The following EPHA7 variants were observed in gnomAD, a reference collection of about 807,000 sequenced individuals.
EPHA7 encodes the protein ephrin type-A receptor 7.
EPHA7 carries 25 observed loss-of-function variants against 112.6 expected under a neutral mutation model. That is an observed-to-expected ratio of 0.22 (90% CI 0.16 to 0.31). The LOEUF (loss-of-function observed/expected upper bound fraction) is 0.31, where lower values mean the gene tolerates loss of function less well. EPHA7 is among the 10% of genes least tolerant of loss of function. The pLI is 1.00. For missense variants in EPHA7, 962 were observed against 1,212.6 expected (o/e 0.79, Z 3.07); for synonymous variants, 437 against 406.5 (o/e 1.07, Z -0.90).
At chr6:93,321,687 A>T (rs1774082438) in intron 5 of EPHA7, among the ~76,000 whole-genome samples, 1 of 151,914 alleles carries the variant, frequency 6.6e-6, no homozygotes, top group Non-Finnish European at 1.5e-5. Context: ...CAGGGAAGTG[A>T]TTACTCCTTA....
intron 5 of EPHA7, among the ~76,000 whole-genome samples, chr6:93,312,925 T>C (rs1384563940): frequency 2.0e-5 from 3 of 152,120 alleles, no homozygotes; most frequent in Non-Finnish European, 2.9e-5. Context: ...GGTGGAGCAG[T>C]TGGAACACAC....
intron 7 of EPHA7, among the ~76,000 whole-genome samples, chr6:93,267,456 T>C (rs1771000791): frequency 6.6e-6 from 1 of 151,754 alleles, no homozygotes; most frequent in African/African-American, 2.4e-5. Context: ...TACTGATTGA[T>C]ATTAATAATT....
At chr6:93,386,306 G>C (rs772901431) in intron 3 of EPHA7, among the ~76,000 whole-genome samples, 9 of 152,134 alleles carry the variant, frequency 5.9e-5, no homozygotes, top group African/African-American at 1.2e-4. Context: ...ACAGGCATTG[G>C]GTTAATAAAC....
chr6:93,353,560 A>G (rs1775799155), intron 5 of EPHA7, among the ~76,000 whole-genome samples: 1 of 152,142 alleles, frequency 6.6e-6, no homozygotes, highest in Non-Finnish European at 1.5e-5. Flanking sequence ...AGATAAAGAA[A>G]TTGGTCCATT....
intron 5 of EPHA7, among the ~76,000 whole-genome samples, chr6:93,317,004 C>T (rs908433879): frequency 4.6e-5 from 7 of 152,106 alleles, no homozygotes; most frequent in African/African-American, 1.4e-4. Context: ...CTACCTGCTG[C>T]GCTTATGAGG....
At chr6:93,360,535 T>C (rs992887202) in intron 3 of EPHA7, among the ~76,000 whole-genome samples, 2 of 152,118 alleles carry the variant, frequency 1.3e-5, no homozygotes, top group African/African-American at 4.8e-5. Context: ...GCAACACGAT[T>C]TAACATTTCC....
intron 5 of EPHA7, among the ~76,000 whole-genome samples, chr6:93,288,651 G>C (rs1341467490): frequency 1.3e-5 from 2 of 152,160 alleles, no homozygotes; most frequent in African/African-American, 4.8e-5. Flanking sequence ...TGAGCCCCAT[G>C]TATTTTTCCA....
At chr6:93,374,661 T>C (rs1776963788) in intron 3 of EPHA7, among the ~76,000 whole-genome samples, 1 of 152,202 alleles carries the variant, frequency 6.6e-6, no homozygotes, top group African/African-American at 2.4e-5. Flanking sequence ...TGGAGACTAG[T>C]CGCTCAGACT....
In EPHA7 at chr6:93,336,563, T is replaced by C. The variant is rs558494466; in HGVS notation, c.1324+20154A>G. Among the ~76,000 whole-genome samples, 594 of 152,122 alleles carry C rather than the reference T, an allele frequency of 3.9e-3. 4 individuals are homozygous for C. In the Middle Eastern group the frequency reaches 0.048, roughly 12 times the overall value. ...GACTACAGGCACGTGCCACCACGCC[T>C]AGCTATTTTTTTTATTTTTAGTAGA... On this transcript the variant is annotated intron_variant, in intron 5 of 16. Coordinates refer to ENST00000369303, the MANE Select transcript of EPHA7 (RefSeq NM_004440.4).
At chr6:93,408,513 T>C (rs1043611963) in intron 3 of EPHA7, among the ~76,000 whole-genome samples, 1 of 152,046 alleles carries the variant, frequency 6.6e-6, no homozygotes, top group African/African-American at 2.4e-5. Context: ...CAATTAGAAA[T>C]ACTGCCAGTG....
intron 3 of EPHA7, among the ~76,000 whole-genome samples, chr6:93,364,098 T>C (rs1400868024): frequency 1.3e-5 from 2 of 152,152 alleles, no homozygotes; most frequent in Admixed American, 1.3e-4. Context: ...TTTGGGGTAA[T>C]TACAATGTTC....
At chr6:93,247,866 C>T (rs181913461) in intron 14 of EPHA7, among the ~76,000 whole-genome samples, 2 of 152,148 alleles carry the variant, frequency 1.3e-5, no homozygotes, top group East Asian at 3.9e-4. Flanking sequence ...CCCCTATAAA[C>T]ATTTGTATGT....
intron 5 of EPHA7, among the ~76,000 whole-genome samples, chr6:93,341,270 CA>C (rs1775122238): frequency 6.6e-6 from 1 of 151,852 alleles, no homozygotes; most frequent in Non-Finnish European, 1.5e-5. Context: ...CAAAATATTA[CA>C]TATACAGTAA....
intron 5 of EPHA7, among the ~76,000 whole-genome samples, chr6:93,334,855 A>G (rs939496558): frequency 2.6e-5 from 4 of 152,116 alleles, no homozygotes; most frequent in African/African-American, 9.7e-5. Flanking sequence ...AAACTAGTAA[A>G]GATTGCGATG....
At chr6:93,330,964 C>T (rs1774564015) in intron 5 of EPHA7, among the ~76,000 whole-genome samples, 1 of 151,364 alleles carries the variant, frequency 6.6e-6, no homozygotes, top group African/African-American at 2.4e-5. Context: ...AGAACATGCA[C>T]ACCTACCCAC....
intron 3 of EPHA7, among the ~76,000 whole-genome samples, chr6:93,396,278 G>GA (rs1182317535): frequency 6.6e-6 from 1 of 151,780 alleles, no homozygotes; most frequent in Non-Finnish European, 1.5e-5. Flanking sequence ...TCAGTAGGTA[G>GA]AAAAAATGTA....
At chr6:93,397,023 T>C (rs1439117648) in intron 3 of EPHA7, among the ~76,000 whole-genome samples, 2 of 151,776 alleles carry the variant, frequency 1.3e-5, no homozygotes, top group African/African-American at 4.8e-5. Flanking sequence ...TTCATTAAAA[T>C]TGAGAACATT....
Position 93,295,124 on chromosome 6 carries a change from G to A in EPHA7, c.1325-22702C>T, listed in dbSNP as rs911885450. On this transcript the variant is annotated intron_variant, in intron 5 of 16. Coordinates refer to ENST00000369303, the MANE Select transcript of EPHA7 (RefSeq NM_004440.4). Reference sequence around the variant, plus strand: ...GAGGGAGAATGGGGAGAGAGAGAGAGATCAACCATTTTGAACTTTGTGTGA... The same window carrying A: ...GAGGGAGAATGGGGAGAGAGAGAGAAATCAACCATTTTGAACTTTGTGTGA... Among the ~76,000 whole-genome samples the A allele has an allele frequency of 3.3e-5, 5 of 151,652 alleles. No homozygotes were observed. The East Asian group carries it at 9.7e-4, about 29-fold the overall frequency.
intron 13 of EPHA7, 81 bp from the exon 14 acceptor site, chr6:93,254,877 G>T (rs2127855237): frequency 8.2e-7 from 1 of 1,223,390 alleles, no homozygotes; most frequent in East Asian, 2.7e-5. Flanking sequence ...ATACATATGT[G>T]CATTTTTGGT....
Sources: gnomAD v4.1 joint callset for allele counts (sites outside exome capture counted in the v4.1 genomes callset) on GRCh38, gnomAD v4.1.1 for gene constraint, MANE v1.5 for transcripts, NCBI Gene and HGNC (gene_info 2026-07-23, HGNC 2026-07-21) for gene names.